Variants in ARHGAP32 observed in about 807,000 individuals in gnomAD.
ARHGAP32 encodes rho GTPase-activating protein 32.
Under a neutral mutation model 186.5 loss-of-function variants are expected in ARHGAP32, and 51 were observed. That is an observed-to-expected ratio of 0.27 (90% CI 0.22 to 0.35). ARHGAP32 has a LOEUF of 0.35. Among genes scored for constraint, ARHGAP32 ranks in the 10% least tolerant of loss-of-function variants. ARHGAP32 has a pLI of 1.00. For synonymous variants in ARHGAP32, 950 were observed against 964.3 expected, an observed-to-expected ratio of 0.99 and a Z score of 0.27; for missense variants, 2,186 against 2,623.5, an observed-to-expected ratio of 0.83 and a Z score of 3.64.
At chr11:129,129,461 G>C (rs1343320028) in intron 2 of ARHGAP32, among the ~76,000 whole-genome samples, 2 of 136,436 alleles carry the variant, frequency 1.5e-5, no homozygotes, top group African/African-American at 5.5e-5. Flanking sequence ...GGAGGTGGGG[G>C]GCGCCTCTGC....
chr11:129,276,203 A>G (rs1010372421), intron 1 of ARHGAP32, among the ~76,000 whole-genome samples: 1 of 152,248 alleles, frequency 6.6e-6, no homozygotes, highest in African/African-American at 2.4e-5. Flanking sequence ...AGAGTTCAAA[A>G]TTGCAAGTAC....
intron 2 of ARHGAP32, among the ~76,000 whole-genome samples, chr11:129,160,037 G>A (rs1200241951): frequency 5.3e-5 from 8 of 152,126 alleles, no homozygotes; most frequent in African/African-American, 1.9e-4. Flanking sequence ...AAATCCCTTT[G>A]ATAAAATTCA....
chr11:129,050,909 G>C (rs1940015822), intron 10 of ARHGAP32, among the ~76,000 whole-genome samples: 1 of 152,164 alleles, frequency 6.6e-6, no homozygotes, highest in Non-Finnish European at 1.5e-5. Context: ...TTCTGTTCCT[G>C]TGTTAGTTTG....
chr11:129,243,002 T>A (rs1565478485), intron 1 of ARHGAP32, among the ~76,000 whole-genome samples: 1 of 152,104 alleles, frequency 6.6e-6, no homozygotes, highest in Non-Finnish European at 1.5e-5. Context: ...CGCATGCAAC[T>A]TAAGTACAAA....
intron 11 of ARHGAP32, among the ~76,000 whole-genome samples, chr11:129,035,785 A>G (rs1178301226): frequency 6.6e-6 from 1 of 151,962 alleles, no homozygotes; most frequent in Admixed American, 6.6e-5. Flanking sequence ...CGGAGGTTGC[A>G]GTGAGCCGAG....
At chr11:129,160,457 A>C (rs918403947) in intron 2 of ARHGAP32, among the ~76,000 whole-genome samples, 1 of 152,198 alleles carries the variant, frequency 6.6e-6, no homozygotes, top group African/African-American at 2.4e-5. Context: ...ATACACCAAT[A>C]ATAGACAAAC....
intron 19 of ARHGAP32, 31 bp downstream of exon 19, chr11:128,978,739 C>G (rs975641788): frequency 1.3e-6 from 2 of 1,583,384 alleles, no homozygotes; most frequent in Non-Finnish European, 1.7e-6. Context: ...ATCATGACAG[C>G]AGCAGAAGTG....
intron 7 of ARHGAP32, 111 bp from the exon 8 acceptor site, chr11:129,065,044 T>C: frequency 2.4e-6 from 2 of 842,760 alleles, no homozygotes; most frequent in South Asian, 1.7e-5. Context: ...GGCATTTTAA[T>C]AGTTACAGAG....
In ARHGAP32 at chr11:128,969,203, T is replaced by C; in HGVS notation, c.6010A>G (p.Lys2004Glu). 1 of 1,614,032 alleles carries C rather than the reference T, an allele frequency of 6.2e-7. No homozygotes were observed. The highest frequency in any genetic ancestry group is 8.5e-7 in the Non-Finnish European group (1 of 1,179,934). Reference sequence around the variant, plus strand: ...TCCACGTTCTGGGTATGATGGAGTTTGAGGCTATGACTCCTCTCTGGTTTA... The same window carrying C: ...TCCACGTTCTGGGTATGATGGAGTTCGAGGCTATGACTCCTCTCTGGTTTA... ...PPKPERSHSL[K>E]LHHTQNVERD... Residue 2004 changes from lysine to glutamate, a missense_variant, in exon 23 of 23, where the codon AAA becomes GAA. Physicochemically the swap from Lys to Glu is moderately conservative, Grantham distance 56. Coordinates refer to ENST00000682385, the MANE Select transcript of ARHGAP32 (RefSeq NM_001378024.1). This position sits in a 1 kb window ranked among gnomAD's most constrained non-coding sequence, Gnocchi z 4.8.
At chr11:129,205,878 T>C (rs1944508826) in intron 1 of ARHGAP32, among the ~76,000 whole-genome samples, 1 of 152,128 alleles carries the variant, frequency 6.6e-6, no homozygotes, top group Non-Finnish European at 1.5e-5. Context: ...TCAAATATCA[T>C]TTAATTTAAA....
intron 1 of ARHGAP32, among the ~76,000 whole-genome samples, chr11:129,191,375 C>A (rs1944266573): frequency 6.6e-6 from 1 of 151,944 alleles, no homozygotes; most frequent in South Asian, 2.1e-4. Context: ...AACAGTACAA[C>A]AGAATGAATG....
intron 1 of ARHGAP32, among the ~76,000 whole-genome samples, chr11:129,238,165 G>T (rs530493624): frequency 1.2e-4 from 18 of 152,180 alleles, no homozygotes; most frequent in Admixed American, 2.0e-4. Context: ...AATTAATCCT[G>T]AATCTGCCAT....
intron 1 of ARHGAP32, among the ~76,000 whole-genome samples, chr11:129,228,665 C>T (rs1331460917): frequency 6.6e-6 from 1 of 152,078 alleles, no homozygotes; most frequent in Non-Finnish European, 1.5e-5. Flanking sequence ...GATGACAACA[C>T]ATGGACACAG....
rs1016086007 is a variant in ARHGAP32, at chr11:128,981,532, C to T, written c.1664G>A (p.Ser555Asn). 1.2e-6 allele frequency: 2 copies of T among 1,613,936 alleles called. No individual in the cohort carries two copies. The highest frequency in any genetic ancestry group is 1.7e-6 in the Non-Finnish European group (2 of 1,179,874). The change falls in exon 17 of 23, where the codon AGT (serine) becomes AAT (asparagine). Residue 555 changes from serine to asparagine, a missense_variant. Around this residue, in one of 5 missense-constraint regions of ARHGAP32, gnomAD observed 308 missense variants for 596.5 expected, o/e 0.52. Coordinates refer to ENST00000682385, the MANE Select transcript of ARHGAP32 (RefSeq NM_001378024.1). ...CACTTCCATGAAAGCTGCTGTTCCA[C>T]TGAAGCAGGCAGATTCTATCTGTTT... ...RSKQIESACF[S>N]GTAAFMEVRI...
At chr11:129,191,174 C>T (rs935464246) in intron 1 of ARHGAP32, among the ~76,000 whole-genome samples, 1 of 152,130 alleles carries the variant, frequency 6.6e-6, no homozygotes, top group African/African-American at 2.4e-5. Context: ...CTGATGAAAA[C>T]AGTATATTCA....
intron 1 of ARHGAP32, among the ~76,000 whole-genome samples, chr11:129,168,550 C>G (rs1943685470): frequency 6.6e-6 from 1 of 152,082 alleles, no homozygotes; most frequent in Non-Finnish European, 1.5e-5. Context: ...AACTAAAAAA[C>G]AGATAAATCC....
chr11:129,266,796 C>T (rs1945406361), intron 1 of ARHGAP32, among the ~76,000 whole-genome samples: 1 of 152,150 alleles, frequency 6.6e-6, no homozygotes, highest in South Asian at 2.1e-4. Context: ...TGCTAAGGGC[C>T]TAAAGGATGT....
intron 1 of ARHGAP32, among the ~76,000 whole-genome samples, chr11:129,275,265 A>G (rs531121271): frequency 1.9e-4 from 29 of 152,326 alleles, no homozygotes; most frequent in African/African-American, 6.5e-4. Context: ...ATCATCATCT[A>G]TCACTTACTG....
rs142739180 is a variant in ARHGAP32 at position 129,132,192 on chromosome 11, C to T, written c.226-7298G>A. Among the ~76,000 whole-genome samples the T allele has an allele frequency of 2.2e-4, 33 of 152,300 alleles. No individual in the cohort carries two copies. In the East Asian group the frequency reaches 5.6e-3, roughly 26 times the overall value. On this transcript the variant is annotated intron_variant, in intron 2 of 22. Coordinates refer to ENST00000682385, the MANE Select transcript of ARHGAP32 (RefSeq NM_001378024.1). Reference sequence around the variant, plus strand: ...TGTGGGCAAAGTCCCCAATAAAAAACGGCAGGCTGGGCGCAGTAGCTCATG... The same window carrying T: ...TGTGGGCAAAGTCCCCAATAAAAAATGGCAGGCTGGGCGCAGTAGCTCATG...
Sources: allele counts gnomAD v4.1 joint callset (sites outside exome capture counted in the v4.1 genomes callset), GRCh38; gene constraint gnomAD v4.1.1; regional missense constraint gnomAD v4.1.1; non-coding constraint Gnocchi (gnomAD v3.1); transcripts MANE v1.5; gene names NCBI Gene and HGNC (gene_info 2026-07-23, HGNC 2026-07-21).